The following PRDM16 variants were observed in gnomAD, a reference collection of about 807,000 sequenced individuals.
The protein encoded by PRDM16 is PR/SET domain 16.
In PRDM16, 23 loss-of-function variants were observed where a neutral mutation model predicts 110.6. The ratio of observed to expected loss-of-function variants is 0.21; its 90% CI spans 0.15 to 0.29. The LOEUF is 0.29. Among genes scored for constraint, PRDM16 ranks in the 10% least tolerant of loss-of-function variants. The probability of loss-of-function intolerance (pLI) is 1.00; values close to 1 mark genes in which losing one functional copy is unlikely to be tolerated. For synonymous variants in PRDM16, 799 were observed against 781.8 expected (o/e 1.02, Z -0.37); for missense variants, 1,615 against 1,794.3 (o/e 0.90, Z 1.81).
At chr1:3,104,591 G>A (rs952788310) in intron 1 of PRDM16, among the ~76,000 whole-genome samples, 1 of 114,422 alleles carries the variant, frequency 8.7e-6, no homozygotes, top group Non-Finnish European at 1.7e-5. Flanking sequence ...GGCTGGCCCC[G>A]CCTACACATC....
In PRDM16 at chr1:3,246,210, T is replaced by G. The variant is rs566221921; in HGVS notation, c.438+2073T>G. 1.6e-3 allele frequency among the ~76,000 whole-genome samples: 244 copies of G among 152,314 alleles called. No homozygotes were observed. Among genetic ancestry groups the G allele is most frequent in the African/African-American group, 5.7e-3 (236 of 41,564 alleles). On this transcript the variant is annotated intron_variant, in intron 3 of 16. Coordinates refer to ENST00000270722, the MANE Select transcript of PRDM16 (RefSeq NM_022114.4). The surrounding 1 kb of genome is among the most constrained non-coding windows in gnomAD (Gnocchi z 5.2). Reference sequence around the variant, plus strand: ...GTCTTATATGTGTGGCCATTAGGTCTCGCTCAGTGTGGCCCAAGGTCATTC... The same window carrying G: ...GTCTTATATGTGTGGCCATTAGGTCGCGCTCAGTGTGGCCCAAGGTCATTC...
At chr1:3,383,210 G>A (rs1643135154) in intron 3 of PRDM16, among the ~76,000 whole-genome samples, 1 of 152,220 alleles carries the variant, frequency 6.6e-6, no homozygotes, top group East Asian at 1.9e-4. Context: ...CAGGCTTTGA[G>A]TGAATCTCCC....
chr1:3,409,767 GTGGTT>G (rs1326682778), intron 8 of PRDM16, among the ~76,000 whole-genome samples: 1 of 147,470 alleles, frequency 6.8e-6, no homozygotes, highest in Non-Finnish European at 1.5e-5. Context: ...GTGAGTGTGT[GTGGTT>G]GTGTGTGGGT....
chr1:3,221,247 C>T (rs947222251), intron 2 of PRDM16, among the ~76,000 whole-genome samples: 5 of 152,346 alleles, frequency 3.3e-5, no homozygotes, highest in Admixed American at 3.3e-4. Flanking sequence ...AGTCTCTAGA[C>T]TAAGAGAGCA....
chr1:3,146,017 C>T (rs984424840), intron 1 of PRDM16, among the ~76,000 whole-genome samples: 4 of 152,184 alleles, frequency 2.6e-5, no homozygotes, highest in Non-Finnish European at 5.9e-5. Flanking sequence ...GCCTCCTGGG[C>T]CCCGTTAGGG....
intron 8 of PRDM16, among the ~76,000 whole-genome samples, chr1:3,410,052 TGTG>T (rs60842130): frequency 0.086 from 12,102 of 141,280 alleles, 783 homozygotes; most frequent in African/African-American, 0.2. Flanking sequence ...TGTGTACGAA[TGTG>T]GTGTGTGGTT....
chr1:3,070,782 G>A (rs1001268910), intron 1 of PRDM16, among the ~76,000 whole-genome samples: 2 of 152,140 alleles, frequency 1.3e-5, no homozygotes, highest in African/African-American at 4.8e-5. Context: ...CGTAGGCCCC[G>A]CGCTCTGTGC....
At chr1:3,088,395 C>G (rs1278737799) in intron 1 of PRDM16, among the ~76,000 whole-genome samples, 3 of 152,004 alleles carry the variant, frequency 2.0e-5, no homozygotes, top group African/African-American at 4.8e-5. Flanking sequence ...CCAGTAACAA[C>G]CCCCCCAGCA....
At chr1:3,280,968 G>A (rs1640700942) in intron 3 of PRDM16, among the ~76,000 whole-genome samples, 1 of 152,216 alleles carries the variant, frequency 6.6e-6, no homozygotes, top group African/African-American at 2.4e-5. Flanking sequence ...CTGGGAGGCC[G>A]AGTGGCTGCC....
intron 3 of PRDM16, among the ~76,000 whole-genome samples, chr1:3,251,184 CCTGCCCTTTGGACCTGGTT>C (rs1326251698): frequency 6.6e-6 from 1 of 152,240 alleles, no homozygotes; most frequent in African/African-American, 2.4e-5. Flanking sequence ...CCCACCCACC[CCTGCCCTTTGGACCTGGTT>C]CTGCCCGGGG....
At chr1:3,344,736 C>G (rs761704593) in intron 3 of PRDM16, among the ~76,000 whole-genome samples, 22 of 152,308 alleles carry the variant, frequency 1.4e-4, no homozygotes, top group Non-Finnish European at 3.1e-4. Flanking sequence ...AAGTGTGGCT[C>G]TACACTTTAT....
At chr1:3,238,487 C>T (rs554130794) in intron 2 of PRDM16, among the ~76,000 whole-genome samples, 1 of 152,288 alleles carries the variant, frequency 6.6e-6, no homozygotes, top group South Asian at 2.1e-4. Flanking sequence ...ATTTCTGTAG[C>T]TCAAACACGG....
At chr1:3,151,967 G>T (rs2100724969) in intron 1 of PRDM16, among the ~76,000 whole-genome samples, 1 of 152,334 alleles carries the variant, frequency 6.6e-6, no homozygotes, top group East Asian at 1.9e-4. Context: ...CAGGGGTCTG[G>T]TGGGTGGGAG....
At chr1:3,109,083 A>AAATAATAATAATAATAAT (rs61356047) in intron 1 of PRDM16, among the ~76,000 whole-genome samples, 8 of 145,402 alleles carry the variant, frequency 5.5e-5, no homozygotes, top group African/African-American at 2.0e-4. Context: ...CTCCATCTCA[A>AAATAATAATAATAATAAT]AATAATAATA....
At chr1:3,391,487 A>ATCAAGGTAATTTAACTGTGGACTCG (rs1643299756) in intron 4 of PRDM16, among the ~76,000 whole-genome samples, 1 of 152,214 alleles carries the variant, frequency 6.6e-6, no homozygotes, top group East Asian at 1.9e-4. Context: ...TTTAAGAATG[A>ATCAAGGTAATTTAACTGTGGACTCG]TCAAGGTAAT....
At chr1:3,181,354 ACACACG>A (rs1644174937) in intron 1 of PRDM16, among the ~76,000 whole-genome samples, 2 of 17,836 alleles carry the variant, frequency 1.1e-4, no homozygotes, top group Non-Finnish European at 2.5e-4. Flanking sequence ...ACACGGTCTT[ACACACG>A]GTCTTACACA....
intron 3 of PRDM16, among the ~76,000 whole-genome samples, chr1:3,356,764 A>C (rs1642611446): frequency 6.6e-6 from 1 of 152,174 alleles, no homozygotes; most frequent in Non-Finnish European, 1.5e-5. Context: ...GAAGGTGGGC[A>C]CGGGACAGAT....
intron 3 of PRDM16, among the ~76,000 whole-genome samples, chr1:3,380,884 GCA>G (rs1451521696): frequency 1.3e-5 from 2 of 152,116 alleles, no homozygotes; most frequent in South Asian, 2.1e-4. Context: ...CCTCCACAGA[GCA>G]CAGTGATATG....
At chr1:3,144,313 T>A (rs1476673050) in intron 1 of PRDM16, among the ~76,000 whole-genome samples, 2 of 152,174 alleles carry the variant, frequency 1.3e-5, no homozygotes, top group Non-Finnish European at 2.9e-5. Flanking sequence ...TCCCTCGGGT[T>A]GGATGCAGAC....
Sources: gnomAD v4.1 joint callset for allele counts (sites outside exome capture counted in the v4.1 genomes callset) on GRCh38, gnomAD v4.1.1 for gene constraint, Gnocchi (gnomAD v3.1) non-coding constraint, MANE v1.5 for transcripts, NCBI Gene and HGNC (gene_info 2026-07-23, HGNC 2026-07-21) for gene names.